The following INTS6 variants were observed in gnomAD, a reference collection of about 807,000 sequenced individuals.
INTS6 encodes the protein DEAD box protein.
INTS6 carries 16 observed loss-of-function variants against 104.9 expected under a neutral mutation model. The ratio of observed to expected loss-of-function variants is 0.15; its 90% CI spans 0.10 to 0.23. The LOEUF (loss-of-function observed/expected upper bound fraction) is 0.23. Among genes scored for constraint, INTS6 ranks in the 10% least tolerant of loss-of-function variants. The pLI, the probability that INTS6 is intolerant of heterozygous loss-of-function variation, is 1.00. For missense variants in INTS6, 584 were observed against 1,062.8 expected (o/e 0.55, Z 6.26); for synonymous variants, 324 against 358.7 (o/e 0.90, Z 1.09).
chr13:51,348,746 G>C, the INTS6 span: 1 of 272,796 alleles, frequency 3.7e-6, no homozygotes, highest in South Asian at 9.4e-5. Flanking sequence ...GGAAATGCTC[G>C]TGGTTCCCTT....
intron 7 of INTS6, chr13:51,384,512 G>A (rs1956105255): frequency 4.9e-6 from 2 of 410,310 alleles, no homozygotes; most frequent in South Asian, 1.8e-5. Context: ...CAAATCTACT[G>A]TTGGGGCCAG....
At chr13:51,368,862 C>G (rs957389358) in intron 16 of INTS6, 77 bp downstream of exon 16, 1 of 1,425,530 alleles carries the variant, frequency 7.0e-7, no homozygotes, top group Non-Finnish European at 9.4e-7. Flanking sequence ...ACTACAGTTA[C>G]TTGACTTTTT....
At chr13:51,347,374 C>T in the INTS6 span, 18,624 of 725,896 alleles carry the variant, frequency 0.026, 346 homozygotes, top group South Asian at 0.049. Context: ...GCATGCATGG[C>T]GGAAGGAAAG....
intron 2 of INTS6, 75 bp downstream of exon 2, chr13:51,451,903 T>A: frequency 4.1e-6 from 3 of 729,644 alleles, no homozygotes; most frequent in Non-Finnish European, 5.8e-6. Context: ...GAAGGGTGAA[T>A]GGGGGGGCGG....
chr13:51,428,101 C>A (rs1437634076), intron 4 of INTS6, among the ~76,000 whole-genome samples: 1 of 152,142 alleles, frequency 6.6e-6, no homozygotes, highest in Non-Finnish European at 1.5e-5. Context: ...TCTACAAAGG[C>A]AGTAGACAGC....
chr13:51,450,868 T>A (rs981966158), intron 3 of INTS6, 157 bp downstream of exon 3: 2 of 1,256,162 alleles, frequency 1.6e-6, no homozygotes, highest in East Asian at 6.2e-5. Flanking sequence ...AAAATATATA[T>A]AGTAGGGTAA....
intron 3 of INTS6, chr13:51,441,731 TTATG>T (rs1952800650): frequency 6.6e-6 from 1 of 152,132 alleles, no homozygotes; most frequent in African/African-American, 2.4e-5. Flanking sequence ...CATTAAATAC[TTATG>T]TATGTTATTA....
intron 15 of INTS6, among the ~76,000 whole-genome samples, chr13:51,370,092 C>T (rs1955774681): frequency 6.6e-6 from 1 of 151,884 alleles, no homozygotes; most frequent in South Asian, 2.1e-4. Context: ...CCTATACACT[C>T]ATCACAAATC....
the INTS6 span, chr13:51,339,336 T>C: frequency 6.6e-6 from 1 of 152,368 alleles, no homozygotes; most frequent in East Asian, 1.9e-4. Context: ...ATTAGGTACC[T>C]GGTACCCAGC....
rs1309970020 is a variant in INTS6, at chr13:51,387,554, A to G, written c.740-14T>C. On this transcript the variant is annotated splice_polypyrimidine_tract_variant and intron_variant, in intron 6 of 17. Coordinates refer to ENST00000311234, the MANE Select transcript of INTS6 (RefSeq NM_012141.3). ...CTGGCTGCCCATCTATAGCAAAGAA[A>G]TTAAGACAAAGAAAGCATATATCAT... 6.3e-7 allele frequency: 1 copy of G among 1,599,170 alleles called. No homozygotes were observed. Among genetic ancestry groups the G allele is most frequent in the South Asian group, 1.1e-5 (1 of 88,278 alleles).
intron 4 of INTS6, among the ~76,000 whole-genome samples, chr13:51,418,596 T>A (rs1956836836): frequency 6.6e-6 from 1 of 152,192 alleles, no homozygotes; most frequent in South Asian, 2.1e-4. Context: ...TAGTTCCTAT[T>A]GTTACACTCC....
At chr13:51,422,874 T>G (rs1956920484) in intron 4 of INTS6, 2 of 324,550 alleles carry the variant, frequency 6.2e-6, no homozygotes, top group Non-Finnish European at 1.2e-5. Flanking sequence ...CAAGTCTTCA[T>G]GCTTTTGCAT....
intron 4 of INTS6, among the ~76,000 whole-genome samples, chr13:51,404,462 G>A (rs1056134369): frequency 1.3e-4 from 20 of 151,916 alleles, no homozygotes; most frequent in African/African-American, 2.4e-4. Context: ...GCCCTTGTAC[G>A]TGCCCATACA....
intron 4 of INTS6, among the ~76,000 whole-genome samples, chr13:51,397,464 A>G (rs1956359481): frequency 6.6e-6 from 1 of 152,220 alleles, no homozygotes; most frequent in Non-Finnish European, 1.5e-5. Context: ...GGAATGCTGA[A>G]GAAATCTGGG....
intron 4 of INTS6, among the ~76,000 whole-genome samples, chr13:51,395,855 A>G (rs552417581): frequency 6.6e-6 from 1 of 152,258 alleles, no homozygotes; most frequent in African/African-American, 2.4e-5. Context: ...TGCAGTGCAG[A>G]GGCACGATCT....
At chr13:51,395,601 C>T (rs1956320887) in intron 4 of INTS6, 118 bp from the exon 5 acceptor site, 1 of 849,054 alleles carries the variant, frequency 1.2e-6, no homozygotes, top group Non-Finnish European at 1.7e-6. Flanking sequence ...GAAAAACAAG[C>T]TCAAATATAA....
At chr13:51,338,862 G>A in the INTS6 span, among the ~76,000 whole-genome samples, 1 of 152,206 alleles carries the variant, frequency 6.6e-6, no homozygotes, top group African/African-American at 2.4e-5. Flanking sequence ...AACACTTACA[G>A]ATGCCTGAGA....
At chr13:51,356,116 T>C (rs1423680706) in intron 3 of INTS6, among the ~76,000 whole-genome samples, 2 of 151,954 alleles carry the variant, frequency 1.3e-5, no homozygotes, top group African/African-American at 2.4e-5. Flanking sequence ...AACACAGGAG[T>C]GAGAATCTAT....
intron 4 of INTS6, among the ~76,000 whole-genome samples, chr13:51,399,877 T>C (rs1353234984): frequency 1.3e-5 from 2 of 152,212 alleles, no homozygotes; most frequent in African/African-American, 4.8e-5. Flanking sequence ...TTGGGTTGTC[T>C]AGCTTTCTCT....
Sources: allele counts gnomAD v4.1 joint callset (sites outside exome capture counted in the v4.1 genomes callset), GRCh38; gene constraint gnomAD v4.1.1; transcripts MANE v1.5; gene names NCBI Gene and HGNC (gene_info 2026-07-23, HGNC 2026-07-21).